Variants in TRPM8 observed in about 807,000 individuals in gnomAD.
TRPM8 encodes transient receptor potential cation channel subfamily M member 8, also known as TRPM8 cationic channel.
Under a neutral mutation model 133.7 loss-of-function variants are expected in TRPM8, and 110 were observed. That is an observed-to-expected ratio of 0.82 (90% CI 0.70 to 0.96). The LOEUF (loss-of-function observed/expected upper bound fraction) is 0.96. Ranked by LOEUF, TRPM8 falls within the 40% of genes least tolerant of loss-of-function variation. The pLI, the probability that TRPM8 is intolerant of heterozygous loss-of-function variation, is 0.00. For missense variants in TRPM8, 1,291 were observed against 1,379.5 expected, an observed-to-expected ratio of 0.94 and a Z score of 1.02; for synonymous variants, 535 against 532.3, an observed-to-expected ratio of 1.01 and a Z score of -0.07.
At chr2:233,986,814 G>A (rs1022391663) in intron 21 of TRPM8, among the ~76,000 whole-genome samples, 1 of 152,136 alleles carries the variant, frequency 6.6e-6, no homozygotes, top group African/African-American at 2.4e-5. Flanking sequence ...AAACTTGTCA[G>A]AGAAAATAAA....
At chr2:233,970,704 G>C (rs1369094015) in intron 17 of TRPM8, among the ~76,000 whole-genome samples, 2 of 152,158 alleles carry the variant, frequency 1.3e-5, no homozygotes, top group Non-Finnish European at 2.9e-5. Flanking sequence ...AAAGAGAAGA[G>C]AGACCCTGGA....
intron 22 of TRPM8, among the ~76,000 whole-genome samples, chr2:234,005,799 T>C (rs1251520036): frequency 6.6e-6 from 1 of 152,062 alleles, no homozygotes; most frequent in African/African-American, 2.4e-5. Context: ...TAGTCCCAGC[T>C]GCTTGGGAGG....
chr2:233,922,933 ATC>A (rs754372853), intron 1 of TRPM8, among the ~76,000 whole-genome samples: 44 of 152,106 alleles, frequency 2.9e-4, no homozygotes, highest in Admixed American at 3.9e-4. Context: ...CAGTGGCACG[ATC>A]TCGGCTCACT....
rs1553653795 is a variant in TRPM8 at position 233,927,860 on chromosome 2, C to CTTTCTTCCTT, written c.117+1207_117+1208insTTCTTCCTTT. On this transcript the variant is annotated intron_variant, in intron 2 of 25. Coordinates refer to ENST00000324695, the MANE Select transcript of TRPM8 (RefSeq NM_024080.5). Reference sequence around the variant, plus strand: ...CCTTCCTTCCTTCCTTCCTTTCTTTCTCTTTCTTTCTTTCTTTCTTTCTTT... The same window carrying CTTTCTTCCTT: ...CCTTCCTTCCTTCCTTCCTTTCTTTCTTTCTTCCTTTCTTTCTTTCTTTCTTTCTTTCTTT... Among the ~76,000 whole-genome samples, 3 of 24,120 alleles carry CTTTCTTCCTT rather than the reference C, an allele frequency of 1.2e-4. 1 individual carries two copies. Among genetic ancestry groups the CTTTCTTCCTT allele is most frequent in the African/African-American group, 8.7e-4 (3 of 3,458 alleles). 15.8% of individuals were successfully genotyped at this position (24,120 alleles called of 152,430 possible).
chr2:234,000,664 A>C (rs1295595124), intron 22 of TRPM8, among the ~76,000 whole-genome samples: 1 of 142,574 alleles, frequency 7.0e-6, no homozygotes, highest in Non-Finnish European at 1.5e-5. Context: ...AAGGAAAGGA[A>C]GATCCAAAGA....
Position 233,985,882 on chromosome 2 carries a change from A to G in TRPM8, c.2939+17A>G, listed in dbSNP as rs1374677631. 2 of 1,596,040 alleles carry G rather than the reference A, an allele frequency of 1.3e-6. No homozygotes were observed. The highest frequency in any genetic ancestry group is 1.3e-5 in the African/African-American group (1 of 74,650). The stretch of plus-strand genomic sequence containing the variant: ...CATGTTTGGGTATGTGTTCAGTCAC[A>G]TGTTCACTGATGTCCACCCTGGGCC... On this transcript the variant is annotated intron_variant, in intron 21 of 25. Transcript: ENST00000324695.
At position 233,921,677 on chromosome 2, in the gene TRPM8, C is replaced by CTTT. The variant is rs11373529; in HGVS notation, c.-6+4260_-6+4262dup. ...TTCTTTTTTCTTTTTCTTTTCTTTT[C>CTTT]TTTTTTTTTTTTTTTTTGAGATGGA... On this transcript the variant is annotated intron_variant, in intron 1 of 25. Coordinates refer to ENST00000324695, the MANE Select transcript of TRPM8 (RefSeq NM_024080.5). Among the ~76,000 whole-genome samples, 108 of 106,644 alleles carry CTTT rather than the reference C, an allele frequency of 1.0e-3. 5 individuals are homozygous for CTTT. The highest frequency in any genetic ancestry group is 3.7e-3 in the African/African-American group (98 of 26,520). 70.0% of individuals were successfully genotyped at this position (106,644 alleles called of 152,430 possible).
rs188508551 is a variant in TRPM8, at chr2:234,016,225, C to A, written c.*43-1074C>A. 1.4e-4 allele frequency among the ~76,000 whole-genome samples: 22 copies of A among 151,734 alleles called. No homozygotes were observed. The East Asian group carries it at 3.7e-3, about 25-fold the overall frequency. ...TGTGTGTGGGTGTAGACATTTGCAT[C>A]TACACAGAAAAAAAAAGAGGAGCAA... On this transcript the variant is annotated intron_variant, in intron 25 of 25. Transcript: ENST00000324695.
chr2:233,954,006 C>T lies in TRPM8; in HGVS notation c.1230C>T (p.Tyr410=), dbSNP rs145140312. ...GDEIVSNAIS[Y]ALYKAFSTSE... ...AAATTGTGAGCAATGCCATCTCCTACGCTCTATACAAAGGTGAGTAAAAAT... is the reference window on the plus strand; with the variant it reads ...AAATTGTGAGCAATGCCATCTCCTATGCTCTATACAAAGGTGAGTAAAAAT... Residue 410 remains tyrosine (Y), a synonymous_variant, in exon 10 of 26, where the codon TAC becomes TAT. Transcript: ENST00000324695. 1,051 of 1,612,868 alleles carry T rather than the reference C, an allele frequency of 6.5e-4. 4 individuals are homozygous for T. The African/African-American group carries it at 0.012, about 18-fold the overall frequency.
chr2:233,934,263 C>T (rs1216732146), intron 3 of TRPM8, among the ~76,000 whole-genome samples: 2 of 152,170 alleles, frequency 1.3e-5, no homozygotes, highest in East Asian at 3.9e-4. Flanking sequence ...TCTCCCTGCA[C>T]ACCTGTTCTC....
intron 25 of TRPM8, among the ~76,000 whole-genome samples, chr2:234,015,600 G>A (rs1321349507): frequency 6.6e-6 from 1 of 152,240 alleles, no homozygotes; most frequent in Non-Finnish European, 1.5e-5. Context: ...TGTTGCATTA[G>A]GTTCCTTTCA....
intron 6 of TRPM8, among the ~76,000 whole-genome samples, chr2:233,944,832 G>T (rs1691003146): frequency 6.6e-6 from 1 of 152,034 alleles, no homozygotes; most frequent in Non-Finnish European, 1.5e-5. Context: ...CTATGTACTA[G>T]GTTCTATTCT....
chr2:233,982,445 A>T (rs754151155), intron 19 of TRPM8, among the ~76,000 whole-genome samples: 4 of 152,174 alleles, frequency 2.6e-5, no homozygotes, highest in Non-Finnish European at 4.4e-5. Context: ...AGATGACCCA[A>T]ACCTCCCCTG....
At chr2:233,937,867 A>C (rs148188466) in intron 4 of TRPM8, among the ~76,000 whole-genome samples, 2 of 152,076 alleles carry the variant, frequency 1.3e-5, no homozygotes, top group Admixed American at 1.3e-4. Context: ...ATGGCCCTGA[A>C]TATGCATTCC....
At chr2:233,980,077 C>T (rs6736916) in intron 17 of TRPM8, 111 bp from the exon 18 acceptor site, 357,103 of 754,422 alleles carry the variant, frequency 0.47, 86,142 homozygotes, top group Middle Eastern at 0.54. Flanking sequence ...TAAACAAACA[C>T]GTCATTGGCT....
intron 22 of TRPM8, among the ~76,000 whole-genome samples, chr2:234,001,264 A>C (rs1417590664): frequency 1.3e-5 from 2 of 152,142 alleles, no homozygotes; most frequent in Non-Finnish European, 2.9e-5. Flanking sequence ...GGGCAGGAAA[A>C]GTCAGATCAG....
At chr2:234,008,039 T>C (rs200445421) in intron 23 of TRPM8, 31 bp from the exon 24 acceptor site, 1 of 1,605,654 alleles carries the variant, frequency 6.2e-7, no homozygotes, top group Non-Finnish European at 8.5e-7. Flanking sequence ...TTTTCTCTTG[T>C]TCACTTTCTT....
chr2:234,009,215 A>G (rs1461644574), intron 24 of TRPM8, among the ~76,000 whole-genome samples: 1 of 152,256 alleles, frequency 6.6e-6, no homozygotes, highest in Non-Finnish European at 1.5e-5. Context: ...GAGAGGCTCC[A>G]GCAATCTGGT....
In TRPM8 at chr2:233,942,680, G is replaced by T. The variant is rs777760794; in HGVS notation, c.631G>T (p.Ala211Ser). 4 of 1,614,094 alleles carry T rather than the reference G, an allele frequency of 2.5e-6. No homozygotes were observed. Among genetic ancestry groups the T allele is most frequent in the Admixed American group, 1.7e-5 (1 of 60,004 alleles). Residue 211 changes from alanine to serine, a missense_variant, in exon 6 of 26, where the codon GCC becomes TCC. Ala to Ser is a moderately conservative substitution (Grantham distance 99). Transcript: ENST00000324695. Reference protein sequence around the residue: ...ISRSSEENIVAIGIAAWGMVS... With the variant: ...ISRSSEENIVSIGIAAWGMVS... ...CAGGAGTTCAGAGGAGAATATTGTG[G>T]CCATTGGCATAGCAGCTTGGGGCAT...
Sources: allele counts gnomAD v4.1 joint callset (sites outside exome capture counted in the v4.1 genomes callset), GRCh38; gene constraint gnomAD v4.1.1; transcripts MANE v1.5; gene names NCBI Gene and HGNC (gene_info 2026-07-23, HGNC 2026-07-21).